Variants in TPH2 observed in about 807,000 individuals in gnomAD.
TPH2 encodes the protein tryptophan hydroxylase 2.
TPH2 carries 27 observed loss-of-function variants against 59.1 expected under a neutral mutation model. The observed-to-expected ratio is 0.46, with a 90% confidence interval of 0.34 to 0.63. The LOEUF is 0.63. TPH2 is among the 30% of genes least tolerant of loss of function. The pLI is 0.01. For missense variants in TPH2, 523 were observed against 588.3 expected, an observed-to-expected ratio of 0.89 and a Z score of 1.15; for synonymous variants, 220 against 210.5, an observed-to-expected ratio of 1.05 and a Z score of -0.39.
At chr12:71,969,752 G>T (rs1363962105) in intron 5 of TPH2, among the ~76,000 whole-genome samples, 1 of 152,144 alleles carries the variant, frequency 6.6e-6, no homozygotes, top group Non-Finnish European at 1.5e-5. Context: ...CATCAGTCTG[G>T]AGTACAATTT....
chr12:72,028,769 G>A (rs559354085), intron 9 of TPH2, among the ~76,000 whole-genome samples: 1 of 152,136 alleles, frequency 6.6e-6, no homozygotes, highest in African/African-American at 2.4e-5. Flanking sequence ...CATATCACAC[G>A]CATAGCAGAC....
At position 71,973,968 on chromosome 12, in the gene TPH2, G is replaced by A. The variant is rs140235370; in HGVS notation, c.805+1253G>A. 3.0e-3 allele frequency among the ~76,000 whole-genome samples: 456 copies of A among 152,016 alleles called. 2 individuals are homozygous for A. The highest frequency in any genetic ancestry group is 0.011 in the African/African-American group (440 of 41,466). On this transcript the variant is annotated intron_variant, in intron 6 of 10. Coordinates refer to ENST00000333850, the MANE Select transcript of TPH2 (RefSeq NM_173353.4). ...CAATAGCTGGGAAATAGGCTTGTGAGGGGTTGGGGGAAGAGGCAAAGTTTC... is the reference window on the plus strand; with the variant it reads ...CAATAGCTGGGAAATAGGCTTGTGAAGGGTTGGGGGAAGAGGCAAAGTTTC...
intron 8 of TPH2, among the ~76,000 whole-genome samples, chr12:72,021,971 CAGTT>C (rs888230009): frequency 1.3e-5 from 2 of 152,174 alleles, no homozygotes; most frequent in African/African-American, 2.4e-5. Context: ...CTGCCAAAAA[CAGTT>C]AGCGATTACT....
chr12:71,975,232 CT>C (rs1426808411), intron 6 of TPH2, among the ~76,000 whole-genome samples: 1 of 152,014 alleles, frequency 6.6e-6, no homozygotes, highest in Non-Finnish European at 1.5e-5. Flanking sequence ...GCAGTCCTAG[CT>C]ACTTGTGGGG....
At chr12:72,019,568 A>G in intron 8 of TPH2, among the ~76,000 whole-genome samples, 1 of 152,188 alleles carries the variant, frequency 6.6e-6, no homozygotes, top group East Asian at 1.9e-4. Flanking sequence ...CCCTTTTTCT[A>G]AAATAGTCAC....
chr12:72,015,541 G>A (rs1873223491), intron 8 of TPH2, among the ~76,000 whole-genome samples: 1 of 151,748 alleles, frequency 6.6e-6, no homozygotes, highest in South Asian at 2.1e-4. Context: ...GGATGGTCTC[G>A]ATCTCCTGAC....
intron 7 of TPH2, among the ~76,000 whole-genome samples, chr12:71,989,029 T>C (rs370089405): frequency 6.8e-5 from 10 of 147,592 alleles, no homozygotes; most frequent in African/African-American, 2.3e-4. Context: ...TCAGTGCACA[T>C]CCTTATGATT....
chr12:71,999,980 A>G (rs577020191), intron 8 of TPH2, among the ~76,000 whole-genome samples: 151 of 152,338 alleles, frequency 9.9e-4, no homozygotes, highest in African/African-American at 3.4e-3. Flanking sequence ...TTCAGTAGAG[A>G]TAAGTATCTT....
chr12:72,004,441 G>C (rs1359467472), intron 8 of TPH2, among the ~76,000 whole-genome samples: 1 of 139,932 alleles, frequency 7.1e-6, no homozygotes, highest in Non-Finnish European at 1.5e-5. Context: ...ACCAAAGGAG[G>C]TGTGTTATTG....
chr12:72,031,324 C>A lies in TPH2; in HGVS notation c.1231C>A (p.Leu411Ile). ...AAAGACAACTTGCTTACAGGAATGC[C>A]TTATCACCACCTTCCAGGAAGCCTA... ...DPKTTCLQECLITTFQEAYFV... is the reference protein window; with the variant it reads ...DPKTTCLQECIITTFQEAYFV... Residue 411 changes from leucine to isoleucine, a missense_variant, in exon 10 of 11, where the codon CTT becomes ATT. Transcript: ENST00000333850. 1 of 1,613,670 alleles carries A rather than the reference C, an allele frequency of 6.2e-7. No individual in the cohort carries two copies. Among genetic ancestry groups the A allele is most frequent in the Non-Finnish European group, 8.5e-7 (1 of 1,179,646 alleles).
chr12:72,003,357 A>T (rs1314266928), intron 8 of TPH2, among the ~76,000 whole-genome samples: 1 of 152,208 alleles, frequency 6.6e-6, no homozygotes, highest in Non-Finnish European at 1.5e-5. Context: ...TGTGTGGATG[A>T]TCAGTTTCTG....
chr12:71,957,366 C>T (rs1178209898), intron 5 of TPH2, among the ~76,000 whole-genome samples: 4 of 119,808 alleles, frequency 3.3e-5, no homozygotes, highest in South Asian at 5.6e-4. Context: ...GACAGGATCT[C>T]GCTCTGGTCA....
In TPH2 at chr12:72,019,687, C is replaced by T. The variant is rs922683443; in HGVS notation, c.1069-2712C>T. Among the ~76,000 whole-genome samples the T allele has an allele frequency of 2.0e-5, 3 of 152,202 alleles. No individual in the cohort carries two copies. In the East Asian group the frequency reaches 5.8e-4, roughly 29 times the overall value. ...TAGTTTTTGTTATTGCCTGTCTCAT[C>T]CCAGTAGCATATATGCTTCATGGGA... is the stretch of plus-strand genomic sequence containing the variant. On this transcript the variant is annotated intron_variant, in intron 8 of 10. Transcript: ENST00000333850.
intron 8 of TPH2, among the ~76,000 whole-genome samples, chr12:72,008,989 A>T (rs994782514): frequency 5.9e-5 from 9 of 152,214 alleles, no homozygotes; most frequent in African/African-American, 1.9e-4. Flanking sequence ...CTTATAGTGT[A>T]AAAAATTACC....
chr12:71,965,766 A>G (rs1445344774), intron 5 of TPH2, among the ~76,000 whole-genome samples: 1 of 152,170 alleles, frequency 6.6e-6, no homozygotes, highest in Non-Finnish European at 1.5e-5. Flanking sequence ...TAGGTCATCC[A>G]TTTACTCTGT....
At chr12:71,992,976 T>A (rs1222587954) in intron 7 of TPH2, among the ~76,000 whole-genome samples, 1 of 152,200 alleles carries the variant, frequency 6.6e-6, no homozygotes, top group African/African-American at 2.4e-5. Flanking sequence ...CCTTTTGTTT[T>A]AAAAAACAAA....
chr12:72,026,685 C>T (rs939672256), intron 9 of TPH2, among the ~76,000 whole-genome samples: 33 of 152,212 alleles, frequency 2.2e-4, no homozygotes, highest in African/African-American at 6.7e-4. Context: ...AAATGCTGGA[C>T]GTTGGGAGCT....
rs150896347 is a variant in TPH2 at position 71,971,017 on chromosome 12, C to T, written c.609-1502C>T. ...GAACTTTAAACAGAAACTATTTTGC[C>T]GAGAACACTGAAATATGTAGAGGGT... On this transcript the variant is annotated intron_variant, in intron 5 of 10. Transcript: ENST00000333850. 4.7e-4 allele frequency among the ~76,000 whole-genome samples: 72 copies of T among 152,240 alleles called. 1 individual carries two copies. Among genetic ancestry groups the T allele is most frequent in the African/African-American group, 1.3e-3 (53 of 41,536 alleles).
intron 4 of TPH2, among the ~76,000 whole-genome samples, 162 bp downstream of exon 4, chr12:71,944,848 A>T (rs11179000): frequency 0.31 from 47,430 of 152,088 alleles, 8,213 homozygotes; most frequent in East Asian, 0.53. Context: ...TTCCCTGTAC[A>T]CGTGTTGACT....
Sources: allele counts gnomAD v4.1 joint callset (sites outside exome capture counted in the v4.1 genomes callset), GRCh38; gene constraint gnomAD v4.1.1; transcripts MANE v1.5; gene names NCBI Gene and HGNC (gene_info 2026-07-23, HGNC 2026-07-21).